Variants in TRAPPC9 observed in about 807,000 individuals in gnomAD.
TRAPPC9 encodes the protein IKK2 binding protein.
A neutral mutation model predicts 124.0 loss-of-function variants in TRAPPC9; 83 were observed. The ratio of observed to expected loss-of-function variants is 0.67; its 90% confidence interval spans 0.56 to 0.80. The LOEUF (loss-of-function observed/expected upper bound fraction) is 0.80, where lower values mean the gene tolerates loss of function less well. Among genes scored for constraint, TRAPPC9 ranks in the 30% least tolerant of loss-of-function variants. The probability of loss-of-function intolerance (pLI) is 0.00; values close to 1 mark genes in which losing one functional copy is unlikely to be tolerated. For missense variants in TRAPPC9, 1,302 were observed against 1,508.3 expected (o/e 0.86, Z 2.27); for synonymous variants, 638 against 617.5 (o/e 1.03, Z -0.49).
intron 17 of TRAPPC9, among the ~76,000 whole-genome samples, chr8:140,218,684 G>T (rs1236427737): frequency 6.6e-6 from 1 of 152,092 alleles, no homozygotes; most frequent in Non-Finnish European, 1.5e-5. Flanking sequence ...GGGAGGCCAG[G>T]TGTGGTGGCT....
intron 17 of TRAPPC9, among the ~76,000 whole-genome samples, chr8:140,120,726 T>C (rs1284984139): frequency 6.6e-6 from 1 of 150,384 alleles, no homozygotes; most frequent in African/African-American, 2.5e-5. Context: ...CGTCCATCCA[T>C]CCATCCAACA....
intron 17 of TRAPPC9, among the ~76,000 whole-genome samples, chr8:140,158,148 T>C (rs2061687074): frequency 6.6e-6 from 1 of 152,172 alleles, no homozygotes; most frequent in Non-Finnish European, 1.5e-5. Flanking sequence ...GTCAAAAGGT[T>C]TGTATATGAT....
At chr8:140,437,630 C>T (rs575109555) in intron 3 of TRAPPC9, among the ~76,000 whole-genome samples, 2 of 152,130 alleles carry the variant, frequency 1.3e-5, no homozygotes, top group Non-Finnish European at 2.9e-5. Context: ...TCCCCAAGAA[C>T]GAAAGAATTT....
Position 140,097,604 on chromosome 8 carries a change from C to T in TRAPPC9, c.2557-73525G>A, listed in dbSNP as rs1219575961. The T allele has an allele frequency of 6.6e-6, 1 of 152,300 alleles. No individual in the cohort carries two copies. The highest frequency in any genetic ancestry group is 1.5e-5 in the Non-Finnish European group (1 of 68,102). 9.4% of individuals were successfully genotyped at this position (152,300 alleles called of 1,614,324 possible). On this transcript the variant is annotated intron_variant, in intron 17 of 22. Transcript: ENST00000438773. This position sits in a 1 kb window ranked among gnomAD's most constrained non-coding sequence, Gnocchi z 4.2. Reference sequence around the variant, plus strand: ...TGTGCTGCTGTCCACACCATAAAAACTCCTGGCCACAGACGTGCCACAGTC... The same window carrying T: ...TGTGCTGCTGTCCACACCATAAAAATTCCTGGCCACAGACGTGCCACAGTC...
At chr8:140,039,225 T>C (rs1158080777) in intron 17 of TRAPPC9, among the ~76,000 whole-genome samples, 4 of 152,244 alleles carry the variant, frequency 2.6e-5, no homozygotes, top group Admixed American at 1.3e-4. Flanking sequence ...ACGTGCCCTA[T>C]TAACCAGGAC....
Position 140,329,697 on chromosome 8 carries a change from C to T in TRAPPC9, c.1496-18323G>A, listed in dbSNP as rs10100677. ...CTACCATATTAAGCAACCTCCTCGG[C>T]ATTTTTGTGCTCATTTCGGAATCTA... On this transcript the variant is annotated intron_variant, in intron 9 of 22. Coordinates refer to ENST00000438773, the MANE Select transcript of TRAPPC9 (RefSeq NM_001160372.4). Among the ~76,000 whole-genome samples the T allele has an allele frequency of 8.7e-3, 1,319 of 152,284 alleles. 18 individuals are homozygous for T. The highest frequency in any genetic ancestry group is 0.03 in the African/African-American group (1,247 of 41,552).
rs528137476 is a variant in TRAPPC9, at chr8:140,174,610, G to A, written c.2556+46849C>T. On this transcript the variant is annotated intron_variant, in intron 17 of 22. Coordinates refer to ENST00000438773, the MANE Select transcript of TRAPPC9 (RefSeq NM_001160372.4). Reference sequence around the variant, plus strand: ...CCAAGCCCCTGGCAACCATCAATCTGCCTTCTGTCTCCATGGAATTGCCTA... The same window carrying A: ...CCAAGCCCCTGGCAACCATCAATCTACCTTCTGTCTCCATGGAATTGCCTA... 6.6e-5 allele frequency among the ~76,000 whole-genome samples: 10 copies of A among 151,998 alleles called. No homozygotes were observed. The East Asian group carries it at 1.9e-3, about 29-fold the overall frequency.
chr8:140,068,860 T>C (rs937891395), intron 17 of TRAPPC9, among the ~76,000 whole-genome samples: 6 of 152,252 alleles, frequency 3.9e-5, no homozygotes, highest in Admixed American at 3.3e-4. Context: ...TCTGTGTCAA[T>C]GCAAGTTTGA....
intron 17 of TRAPPC9, among the ~76,000 whole-genome samples, chr8:140,212,478 G>C (rs1177212101): frequency 6.6e-6 from 1 of 152,152 alleles, no homozygotes; most frequent in East Asian, 1.9e-4. Context: ...TTAAATAGTA[G>C]ATGCTCAATT....
At chr8:140,356,310 T>C (rs75668029) in intron 9 of TRAPPC9, among the ~76,000 whole-genome samples, 4,276 of 152,276 alleles carry the variant, frequency 0.028, 122 homozygotes, top group African/African-American at 0.073. Context: ...TCCGAGCACG[T>C]GGGGCTGGGA....
intron 17 of TRAPPC9, among the ~76,000 whole-genome samples, chr8:140,058,128 G>C (rs1340420846): frequency 6.6e-6 from 1 of 152,198 alleles, no homozygotes; most frequent in African/African-American, 2.4e-5. Context: ...GAAAATTCCT[G>C]GGTCAGCCCT....
At chr8:139,959,754 G>A (rs2131554654) in intron 19 of TRAPPC9, among the ~76,000 whole-genome samples, 1 of 152,316 alleles carries the variant, frequency 6.6e-6, no homozygotes, top group Admixed American at 6.5e-5. Flanking sequence ...AAGGGCGAAG[G>A]GAGCCACCCA....
intron 19 of TRAPPC9, among the ~76,000 whole-genome samples, chr8:139,925,646 G>A (rs1166367535): frequency 6.6e-6 from 1 of 151,940 alleles, no homozygotes; most frequent in Non-Finnish European, 1.5e-5. Flanking sequence ...TACTCAGGAG[G>A]CTGAGGCAGG....
intron 11 of TRAPPC9, among the ~76,000 whole-genome samples, chr8:140,298,208 C>T (rs543567698): frequency 8.5e-5 from 13 of 152,232 alleles, no homozygotes; most frequent in African/African-American, 2.9e-4. Context: ...CTAGTTATGC[C>T]CTTTATCTCA....
At chr8:139,867,467 C>CCACACAG (rs1828622246) in intron 21 of TRAPPC9, among the ~76,000 whole-genome samples, 1 of 152,118 alleles carries the variant, frequency 6.6e-6, no homozygotes, top group Non-Finnish European at 1.5e-5. Flanking sequence ...AATCGGATAT[C>CCACACAG]CACACAGTTT....
At chr8:140,015,336 G>T (rs962500189) in intron 18 of TRAPPC9, among the ~76,000 whole-genome samples, 1 of 152,216 alleles carries the variant, frequency 6.6e-6, no homozygotes, top group African/African-American at 2.4e-5. Context: ...CATCTCTGGG[G>T]ATGCATATAA....
At chr8:139,855,759 G>C (rs893603475) in intron 21 of TRAPPC9, among the ~76,000 whole-genome samples, 1 of 152,194 alleles carries the variant, frequency 6.6e-6, no homozygotes, top group Non-Finnish European at 1.5e-5. Flanking sequence ...AAGCCCGCTC[G>C]ACCCCAGCAC....
rs1554608008 is a variant in TRAPPC9 at position 140,018,324 on chromosome 8, A to ATTTTTTTTTT, written c.2699+5603_2699+5612dup. ...TTGCTGGTATATAGAAACGTAAGTG[A>ATTTTTTTTTT]TTTTTTTTTTTTTTTTTGAGACGGA... is the stretch of plus-strand genomic sequence containing the variant. On this transcript the variant is annotated intron_variant, in intron 18 of 22. Transcript: ENST00000438773. Among the ~76,000 whole-genome samples, 4 of 119,778 alleles carry ATTTTTTTTTT rather than the reference A, an allele frequency of 3.3e-5. 2 individuals are homozygous for ATTTTTTTTTT. The highest frequency in any genetic ancestry group is 6.7e-5 in the Non-Finnish European group (4 of 59,274). 78.6% of individuals were successfully genotyped at this position (119,778 alleles called of 152,430 possible). A position where few individuals can be genotyped will look rare whatever the true frequency, so the allele number is the denominator to read the frequency against.
intron 21 of TRAPPC9, among the ~76,000 whole-genome samples, chr8:139,734,356 G>A (rs1020634690): frequency 6.6e-6 from 1 of 152,232 alleles, no homozygotes; most frequent in Admixed American, 6.5e-5. Context: ...ATAAGGAGAT[G>A]AGGACATGGC....
Sources: allele counts gnomAD v4.1 joint callset (sites outside exome capture counted in the v4.1 genomes callset), GRCh38; gene constraint gnomAD v4.1.1; non-coding constraint Gnocchi (gnomAD v3.1); transcripts MANE v1.5; gene names NCBI Gene and HGNC (gene_info 2026-07-23, HGNC 2026-07-21).